PLLP: variants seen among roughly 807,000 people sequenced by gnomAD.
PLLP encodes plasmolipin, also known as plasma membrane proteolipid (plasmolipin).
Under a neutral mutation model 19.7 loss-of-function variants are expected in PLLP, and 15 were observed. The ratio of observed to expected loss-of-function variants is 0.76; its 90% CI spans 0.51 to 1.17. The LOEUF is 1.17. Ranked by LOEUF, PLLP falls within the 50% of genes most tolerant of loss-of-function variation. The pLI is 0.00. For missense variants in PLLP, 255 were observed against 258.3 expected (o/e 0.99, Z 0.09); for synonymous variants, 111 against 116.3 (o/e 0.95, Z 0.29).
At chr16:57,275,122 C>A (rs1861686009) in intron 1 of PLLP, among the ~76,000 whole-genome samples, 1 of 67,478 alleles carries the variant, frequency 1.5e-5, no homozygotes, top group South Asian at 5.5e-4. Flanking sequence ...CACACACACA[C>A]ACACACATGC....
At chr16:57,283,600 G>A (rs1247763866) in intron 1 of PLLP, among the ~76,000 whole-genome samples, 1 of 152,230 alleles carries the variant, frequency 6.6e-6, no homozygotes, top group African/African-American at 2.4e-5. Context: ...GGCAGAGGAA[G>A]AAGCTAACAT....
At chr16:57,277,309 G>T (rs1470823805) in intron 1 of PLLP, among the ~76,000 whole-genome samples, 1 of 152,206 alleles carries the variant, frequency 6.6e-6, no homozygotes, top group Non-Finnish European at 1.5e-5. Flanking sequence ...GAAATTAGGG[G>T]CCGGGTGCGG....
In PLLP at chr16:57,262,014, C is replaced by T. The variant is rs77916821; in HGVS notation, c.192G>A (p.Pro64=). ...CGACGAACATCACCCAGCCATAGGCCGGATACAGGTGGTACGGGGTGTCCG... is the reference window on the plus strand; with the variant it reads ...CGACGAACATCACCCAGCCATAGGCTGGATACAGGTGGTACGGGGTGTCCG... ...LIADTPYHLY[P]AYGWVMFVAV... is the part of the protein sequence containing the mutation. The change falls in exon 2 of 4, where the codon CCG becomes CCA. Residue 64 remains proline (P), a synonymous_variant. Coordinates refer to ENST00000219207, the MANE Select transcript of PLLP (RefSeq NM_015993.3). 9.7e-3 allele frequency: 15,721 copies of T among 1,614,094 alleles called. 120 individuals are homozygous for T. The highest frequency in any genetic ancestry group is 0.021 in the Middle Eastern group (129 of 6,062).
intron 2 of PLLP, among the ~76,000 whole-genome samples, 158 bp from the exon 3 acceptor site, chr16:57,258,742 G>A (rs1597957776): frequency 6.6e-6 from 1 of 151,604 alleles, no homozygotes; most frequent in East Asian, 1.9e-4. Flanking sequence ...GGGAACATAG[G>A]TAGGCCCCAT....
At chr16:57,270,274 G>A (rs2075470485) in intron 1 of PLLP, among the ~76,000 whole-genome samples, 1 of 49,898 alleles carries the variant, frequency 2.0e-5, no homozygotes, top group Non-Finnish European at 3.6e-5. Context: ...CCCAGCCCCC[G>A]AGTCCATCTC....
At chr16:57,263,765 C>T (rs2075448932) in intron 1 of PLLP, among the ~76,000 whole-genome samples, 2 of 150,702 alleles carry the variant, frequency 1.3e-5, no homozygotes, top group Admixed American at 1.3e-4. Flanking sequence ...CTGGAGAGCG[C>T]CTTCTCCACG....
chr16:57,258,390 A>C, intron 3 of PLLP, 72 bp downstream of exon 3: 1 of 1,530,116 alleles, frequency 6.5e-7, no homozygotes, highest in Non-Finnish European at 8.9e-7. Flanking sequence ...CTGGCCTCAG[A>C]CCAAGCGAGC....
chr16:57,267,607 G>A (rs1018325244), intron 1 of PLLP, among the ~76,000 whole-genome samples: 1 of 151,562 alleles, frequency 6.6e-6, no homozygotes, highest in African/African-American at 2.4e-5. Context: ...GCCTGGCATG[G>A]TGGATCATAC....
intron 1 of PLLP, among the ~76,000 whole-genome samples, chr16:57,275,609 A>T (rs1466673212): frequency 6.7e-6 from 1 of 149,398 alleles, no homozygotes; most frequent in Non-Finnish European, 1.5e-5. Context: ...TCAGCAAAAA[A>T]AAAAAAAACA....
At position 57,284,658 on chromosome 16, in the gene PLLP, G is replaced by T; in HGVS notation, c.-118C>A. 2.0e-6 allele frequency: 2 copies of T among 1,015,584 alleles called. No homozygotes were observed. Among genetic ancestry groups the T allele is most frequent in the Non-Finnish European group, 2.5e-6 (2 of 787,660 alleles). The allele number at this position is 1,015,584 out of a possible 1,614,324, so 62.9% of individuals were successfully genotyped here. A position where few individuals can be genotyped will look rare whatever the true frequency, so the allele number is the denominator to read the frequency against. On this transcript the variant is annotated 5_prime_UTR_variant, in exon 1 of 4. Transcript: ENST00000219207. ...TCCGGATCCCTGTGTGGCTCCAGGC[G>T]CTGCAGGAGGCGTCGGGGCTGGGAG...
intron 1 of PLLP, among the ~76,000 whole-genome samples, chr16:57,279,141 T>G (rs1901187967): frequency 6.6e-6 from 1 of 152,144 alleles, no homozygotes; most frequent in Admixed American, 6.6e-5. Flanking sequence ...CTAGGCTAGC[T>G]CTTTGCAGGC....
intron 1 of PLLP, among the ~76,000 whole-genome samples, chr16:57,282,031 G>A (rs1324860603): frequency 6.6e-6 from 1 of 152,022 alleles, no homozygotes; most frequent in Non-Finnish European, 1.5e-5. Context: ...TGTGTAATGG[G>A]ACCCAGATGC....
At position 57,258,462 on chromosome 16, in the gene PLLP, C is replaced by A. The variant is rs377409132; in HGVS notation, c.432G>T (p.Ser144=). The change falls in exon 3 of 4, where the codon TCG becomes TCT. Residue 144 remains serine, a splice_region_variant and synonymous_variant. Coordinates refer to ENST00000219207, the MANE Select transcript of PLLP (RefSeq NM_015993.3). ...TRPYNQRAAA[S]FFACLVMIAY... is the part of the protein sequence containing the mutation. Reference sequence around the variant, plus strand: ...AAGGGAGCCTGGGAAGCAGACTCACCGAGGCAGCCGCGCGCTGGTTATAAG... The same window carrying A: ...AAGGGAGCCTGGGAAGCAGACTCACAGAGGCAGCCGCGCGCTGGTTATAAG... The A allele has an allele frequency of 3.7e-6, 6 of 1,609,348 alleles. No homozygotes were observed. Among genetic ancestry groups the A allele is most frequent in the Non-Finnish European group, 5.1e-6 (6 of 1,179,734 alleles).
intron 1 of PLLP, among the ~76,000 whole-genome samples, chr16:57,267,175 T>G (rs2075460288): frequency 6.6e-6 from 1 of 152,214 alleles, no homozygotes; most frequent in Non-Finnish European, 1.5e-5. Context: ...TCACTGACTC[T>G]GAGGGAAGTT....
chr16:57,256,122 TA>T lies in PLLP; in HGVS notation c.*790del. On this transcript the variant is annotated 3_prime_UTR_variant, in exon 4 of 4. Transcript: ENST00000219207. ...TAATTTCTCTCATCTTTATTTTTAT[TA>T]AAAAAAATAAAACAGTCACCACCAA... 5.0e-6 allele frequency: 2 copies of T among 397,984 alleles called. No individual in the cohort carries two copies. Among genetic ancestry groups the T allele is most frequent in the Non-Finnish European group, 4.4e-6 (1 of 225,834 alleles). 24.7% of individuals were successfully genotyped at this position (397,984 alleles called of 1,614,324 possible).
In PLLP at chr16:57,258,541, G is replaced by A; in HGVS notation, c.353C>T (p.Ala118Val). 1 of 1,613,488 alleles carries A rather than the reference G, an allele frequency of 6.2e-7. No homozygotes were observed. The highest frequency in any genetic ancestry group is 8.5e-7 in the Non-Finnish European group (1 of 1,179,930). ...NISATVLYITAFIACSAAVDL... is the reference protein window; with the variant it reads ...NISATVLYITVFIACSAAVDL... Reference sequence around the variant, plus strand: ...AACTGCCGCAGAGCAGGCGATGAAGGCGGTGATGTAGAGAACGGTGGCGCT... The same window carrying A: ...AACTGCCGCAGAGCAGGCGATGAAGACGGTGATGTAGAGAACGGTGGCGCT... The change falls in exon 3 of 4, where the codon GCC becomes GTC. Residue 118 changes from alanine (A) to valine (V), a missense_variant. By Grantham distance (64) the Ala-to-Val change is moderately conservative. Coordinates refer to ENST00000219207, the MANE Select transcript of PLLP (RefSeq NM_015993.3).
At chr16:57,276,995 A>T (rs1901162217) in intron 1 of PLLP, among the ~76,000 whole-genome samples, 1 of 152,208 alleles carries the variant, frequency 6.6e-6, no homozygotes, top group South Asian at 2.1e-4. Flanking sequence ...TAAAGAAAGA[A>T]GCAATTGCAC....
chr16:57,261,073 C>T (rs747504299), intron 2 of PLLP, among the ~76,000 whole-genome samples: 10 of 150,622 alleles, frequency 6.6e-5, no homozygotes, highest in African/African-American at 2.4e-4. Context: ...CTGCAATCTC[C>T]GCCTCCTGGG....
chr16:57,261,149 G>GGCTAATTGTTGTATTTT (rs3838868), intron 2 of PLLP, among the ~76,000 whole-genome samples: 1 of 151,778 alleles, frequency 6.6e-6, no homozygotes, highest in African/African-American at 2.4e-5. Context: ...CACCACACCT[G>GGCTAATTGTTGTATTTT]GCTAATTGTT....
Sources: gnomAD v4.1 joint callset for allele counts (sites outside exome capture counted in the v4.1 genomes callset) on GRCh38, gnomAD v4.1.1 for gene constraint, MANE v1.5 for transcripts, NCBI Gene and HGNC (gene_info 2026-07-23, HGNC 2026-07-21) for gene names.